The following MYT1L variants were observed in gnomAD, a reference collection of about 807,000 sequenced individuals.
The protein encoded by MYT1L is myelin transcription factor 1 like, also known as myelin transcription factor 1-like protein.
MYT1L carries 12 observed loss-of-function variants against 126.7 expected under a neutral mutation model. The observed-to-expected ratio is 0.09, with a 90% CI of 0.06 to 0.15. The LOEUF (loss-of-function observed/expected upper bound fraction) is 0.15, where lower values mean the gene tolerates loss of function less well. Ranked by LOEUF, MYT1L falls within the 10% of genes least tolerant of loss-of-function variation. The pLI is 1.00. For synonymous variants in MYT1L, 541 were observed against 604.2 expected (o/e 0.90, Z 1.53); for missense variants, 979 against 1,585.2 (o/e 0.62, Z 6.49).
At chr2:1,807,208 G>A (rs2035856805) in intron 22 of MYT1L, among the ~76,000 whole-genome samples, 1 of 152,238 alleles carries the variant, frequency 6.6e-6, no homozygotes, top group Admixed American at 6.5e-5. Context: ...CCTTTCTGGT[G>A]AACAATGGGC....
intron 18 of MYT1L, among the ~76,000 whole-genome samples, chr2:1,854,520 A>T (rs1242395735): frequency 6.6e-6 from 1 of 152,224 alleles, no homozygotes; most frequent in Non-Finnish European, 1.5e-5. Context: ...CTATGCCCTT[A>T]ATTTTAAAAT....
intron 1 of MYT1L, among the ~76,000 whole-genome samples, chr2:2,297,662 C>T (rs907300294): frequency 2.0e-5 from 3 of 152,190 alleles, no homozygotes; most frequent in Non-Finnish European, 4.4e-5. Flanking sequence ...CAAAGGCATT[C>T]ACTCCAGAAG....
chr2:1,791,937 C>T lies in MYT1L; in HGVS notation c.3491G>A (p.Arg1164His), dbSNP rs1282870633. The change falls in exon 25 of 25, where the codon CGT becomes CAT. Residue 1164 changes from arginine to histidine, a missense_variant. Transcript: ENST00000647738. This position sits in a 1 kb window ranked among gnomAD's most constrained non-coding sequence, Gnocchi z 6.0. The stretch of plus-strand genomic sequence containing the variant: ...GGCTTTATTTTCTGGACTCTGATAA[C>T]GATCTTGATTTGTATACATTTCCGT... ...TLTEMYTNQD[R>H]YQSPENKALL... 1.2e-6 allele frequency: 2 copies of T among 1,611,050 alleles called. No homozygotes were observed. Among genetic ancestry groups the T allele is most frequent in the Middle Eastern group, 1.6e-4 (1 of 6,076 alleles).
At chr2:1,945,186 G>A (rs1035186773) in intron 8 of MYT1L, among the ~76,000 whole-genome samples, 18 of 152,214 alleles carry the variant, frequency 1.2e-4, no homozygotes, top group African/African-American at 4.1e-4. Context: ...CTTCGTGGAT[G>A]AATGATGGGA....
chr2:2,255,272 C>G (rs1236722987), intron 2 of MYT1L, among the ~76,000 whole-genome samples: 1 of 152,148 alleles, frequency 6.6e-6, no homozygotes, highest in Non-Finnish European at 1.5e-5. Context: ...TTCTTACCCC[C>G]CTAAATTTCC....
intron 8 of MYT1L, among the ~76,000 whole-genome samples, chr2:1,957,971 AG>A (rs748505965): frequency 7.9e-5 from 12 of 152,216 alleles, no homozygotes; most frequent in Non-Finnish European, 1.3e-4. Flanking sequence ...GGCCCCAAGC[AG>A]GGAGTGTCTG....
chr2:2,091,800 C>A (rs2076938836), intron 3 of MYT1L, among the ~76,000 whole-genome samples: 1 of 152,350 alleles, frequency 6.6e-6, no homozygotes, highest in East Asian at 1.9e-4. Context: ...CTTCTCCTTG[C>A]ACTTTTATGT....
intron 2 of MYT1L, among the ~76,000 whole-genome samples, chr2:2,226,278 C>T (rs749067972): frequency 6.6e-5 from 10 of 152,126 alleles, no homozygotes; most frequent in Admixed American, 1.3e-4. Context: ...TTTTCAACAT[C>T]GTATCAGCCT....
intron 23 of MYT1L, among the ~76,000 whole-genome samples, chr2:1,799,597 T>C (rs1276890657): frequency 1.3e-5 from 2 of 152,222 alleles, no homozygotes; most frequent in South Asian, 2.1e-4. Context: ...CAGTAGACCA[T>C]GGACTCAACA....
At chr2:2,123,799 T>G (rs998620063) in intron 3 of MYT1L, among the ~76,000 whole-genome samples, 8 of 152,202 alleles carry the variant, frequency 5.3e-5, no homozygotes, top group African/African-American at 1.7e-4. Context: ...GGGCCCAGTG[T>G]CAGTCCTCAC....
chr2:2,023,646 T>C (rs1282338664), intron 4 of MYT1L, among the ~76,000 whole-genome samples: 1 of 150,108 alleles, frequency 6.7e-6, no homozygotes, highest in East Asian at 1.9e-4. Flanking sequence ...TCAAACAACA[T>C]AGAGGACTGA....
chr2:2,326,828 A>G (rs2096250663), intron 1 of MYT1L: 1 of 152,240 alleles, frequency 6.6e-6, no homozygotes, highest in African/African-American at 2.4e-5. Context: ...AGAAACATGC[A>G]TAGAAAAATC....
At chr2:1,802,860 T>C (rs1028995759) in intron 22 of MYT1L, among the ~76,000 whole-genome samples, 2 of 152,204 alleles carry the variant, frequency 1.3e-5, no homozygotes, top group Non-Finnish European at 2.9e-5. Context: ...GAGATTGCTG[T>C]TCTCATTGGC....
At chr2:2,274,293 A>C (rs763740053) in intron 2 of MYT1L, among the ~76,000 whole-genome samples, 1 of 151,644 alleles carries the variant, frequency 6.6e-6, no homozygotes, top group Non-Finnish European at 1.5e-5. Context: ...GAAACTTTTA[A>C]AAAGAAAGGA....
chr2:2,038,030 C>T (rs2067081279), intron 4 of MYT1L, among the ~76,000 whole-genome samples: 1 of 152,122 alleles, frequency 6.6e-6, no homozygotes, highest in South Asian at 2.1e-4. Context: ...AGAGGAGGAG[C>T]TATGTCTTGG....
chr2:2,072,763 T>G (rs1420274253), intron 3 of MYT1L, among the ~76,000 whole-genome samples: 2 of 152,154 alleles, frequency 1.3e-5, no homozygotes, highest in Non-Finnish European at 2.9e-5. Flanking sequence ...TTATAAGTGT[T>G]TGGAAGTTCC....
At chr2:2,146,294 A>G (rs1029522260) in intron 3 of MYT1L, among the ~76,000 whole-genome samples, 2 of 152,258 alleles carry the variant, frequency 1.3e-5, no homozygotes, top group Non-Finnish European at 2.9e-5. Context: ...CTGTTCTGTC[A>G]TGGAGACCAC....
intron 14 of MYT1L, among the ~76,000 whole-genome samples, chr2:1,892,643 G>A (rs536630908): frequency 1.3e-5 from 2 of 152,148 alleles, no homozygotes; most frequent in East Asian, 3.9e-4. Context: ...GCCGCAGGGT[G>A]TAGGGAAGTG....
Position 1,793,457 on chromosome 2 carries a change from G to A in MYT1L, c.3277-993C>T, listed in dbSNP as rs985810876. On this transcript the variant is annotated intron_variant, in intron 23 of 24. Coordinates refer to ENST00000647738, the MANE Select transcript of MYT1L (RefSeq NM_001303052.2). This position sits in a 1 kb window ranked among gnomAD's most constrained non-coding sequence, Gnocchi z 4.6. ...CAGGGCTGGCTTGCCTGGCCTGCCC[G>A]CTCCTCTCCTTCCCTGACGTGTCAT... 7.2e-5 allele frequency among the ~76,000 whole-genome samples: 11 copies of A among 152,270 alleles called. No individual in the cohort carries two copies. The East Asian group carries it at 9.7e-4, about 13-fold the overall frequency.
Sources: allele counts gnomAD v4.1 joint callset (sites outside exome capture counted in the v4.1 genomes callset), GRCh38; gene constraint gnomAD v4.1.1; non-coding constraint Gnocchi (gnomAD v3.1); transcripts MANE v1.5; gene names NCBI Gene and HGNC (gene_info 2026-07-23, HGNC 2026-07-21).